CNTNAP2: variants seen among roughly 807,000 people sequenced by gnomAD.
The protein encoded by CNTNAP2 is contactin-associated protein-like 2.
In CNTNAP2, 98 loss-of-function variants were observed where a neutral mutation model predicts 155.2. That is an observed-to-expected ratio of 0.63 (90% CI 0.54 to 0.75). CNTNAP2 has a LOEUF of 0.75. Ranked by LOEUF, CNTNAP2 falls within the 30% of genes least tolerant of loss-of-function variation. The probability of loss-of-function intolerance (pLI) is 0.00; values close to 1 mark genes in which losing one functional copy is unlikely to be tolerated. For missense variants in CNTNAP2, 1,727 were observed against 1,688.1 expected (o/e 1.02, Z -0.40); for synonymous variants, 651 against 631.2 (o/e 1.03, Z -0.47).
At chr7:146,506,355 G>T (rs1338381697) in intron 1 of CNTNAP2, among the ~76,000 whole-genome samples, 1 of 152,222 alleles carries the variant, frequency 6.6e-6, no homozygotes. Context: ...TCCACGCTGG[G>T]CATTTCTGGC....
chr7:147,566,766 G>A (rs561517976), intron 12 of CNTNAP2, among the ~76,000 whole-genome samples: 4 of 152,180 alleles, frequency 2.6e-5, no homozygotes, highest in Admixed American at 6.5e-5. Flanking sequence ...GATGAGATTC[G>A]GACAGGGATT....
intron 1 of CNTNAP2, among the ~76,000 whole-genome samples, chr7:146,623,358 T>C (rs1322628818): frequency 6.6e-6 from 1 of 152,180 alleles, no homozygotes; most frequent in Non-Finnish European, 1.5e-5. Context: ...TTGCATAATA[T>C]ATATTCACCA....
intron 3 of CNTNAP2, among the ~76,000 whole-genome samples, chr7:147,034,635 T>G (rs2098114): frequency 0.5 from 75,980 of 151,936 alleles, 19,372 homozygotes; most frequent in South Asian, 0.62. Context: ...TCACATGTGG[T>G]CTTCAAGAAT....
chr7:147,658,421 T>G (rs1323747824), intron 13 of CNTNAP2, among the ~76,000 whole-genome samples: 1 of 152,138 alleles, frequency 6.6e-6, no homozygotes, highest in Non-Finnish European at 1.5e-5. Flanking sequence ...GCCATTAAAT[T>G]AACTTAAAAC....
At position 147,333,531 on chromosome 7, in the gene CNTNAP2, A is replaced by G. The variant is rs115078470; in HGVS notation, c.1498+33241A>G. On this transcript the variant is annotated intron_variant, in intron 9 of 23. Coordinates refer to ENST00000361727, the MANE Select transcript of CNTNAP2 (RefSeq NM_014141.6). The stretch of plus-strand genomic sequence containing the variant: ...CAACTTTCTATAATAAAAGAACCAA[A>G]CCACTATTGAAGATAGTAGTAAATT... Among the ~76,000 whole-genome samples the G allele has an allele frequency of 4.6e-3, 708 of 152,310 alleles. 12 individuals are homozygous for G. Among genetic ancestry groups the G allele is most frequent in the African/African-American group, 0.016 (669 of 41,564 alleles).
chr7:147,013,132 G>C (rs988482054), intron 3 of CNTNAP2, among the ~76,000 whole-genome samples: 2 of 152,104 alleles, frequency 1.3e-5, no homozygotes, highest in African/African-American at 4.8e-5. Context: ...ATGATAGCAA[G>C]TATGTTGTAG....
chr7:146,362,051 T>C (rs1221592740), intron 1 of CNTNAP2, among the ~76,000 whole-genome samples: 3 of 152,212 alleles, frequency 2.0e-5, no homozygotes, highest in Non-Finnish European at 4.4e-5. Context: ...GCCTCCTCTT[T>C]ATGCATGGTT....
intron 13 of CNTNAP2, among the ~76,000 whole-genome samples, chr7:147,896,723 G>C (rs1269335148): frequency 6.6e-6 from 1 of 152,274 alleles, no homozygotes; most frequent in East Asian, 1.9e-4. Flanking sequence ...TTTAGGGAGG[G>C]TCAGAATCTT....
chr7:147,509,601 A>G (rs893650980), intron 11 of CNTNAP2, among the ~76,000 whole-genome samples: 1 of 152,092 alleles, frequency 6.6e-6, no homozygotes, highest in Non-Finnish European at 1.5e-5. Flanking sequence ...ATTTTTTGGT[A>G]TCACTGAGAT....
At chr7:146,300,999 AC>A (rs1206568396) in intron 1 of CNTNAP2, among the ~76,000 whole-genome samples, 1 of 152,178 alleles carries the variant, frequency 6.6e-6, no homozygotes, top group Non-Finnish European at 1.5e-5. Context: ...ATTAGCTTTC[AC>A]CTGAATTTTA....
chr7:147,234,689 C>T (rs568890268), intron 8 of CNTNAP2, among the ~76,000 whole-genome samples: 1 of 152,240 alleles, frequency 6.6e-6, no homozygotes, highest in South Asian at 2.1e-4. Context: ...CATGTTGCAG[C>T]GAGTTTCATT....
intron 12 of CNTNAP2, among the ~76,000 whole-genome samples, chr7:147,601,643 AAATATAT>A (rs1259893375): frequency 1.1e-5 from 1 of 88,552 alleles, no homozygotes; most frequent in African/African-American, 5.3e-5. Context: ...TCTTAAAAAA[AAATATAT>A]ATATATATAT....
At chr7:147,372,610 A>G (rs2116917245) in intron 9 of CNTNAP2, among the ~76,000 whole-genome samples, 1 of 152,272 alleles carries the variant, frequency 6.6e-6, no homozygotes, top group Non-Finnish European at 1.5e-5. Flanking sequence ...TTTATACATT[A>G]TAACCATTAT....
intron 1 of CNTNAP2, among the ~76,000 whole-genome samples, chr7:146,724,589 T>TG (rs1801397731): frequency 7.8e-6 from 1 of 128,028 alleles, no homozygotes; most frequent in Admixed American, 7.7e-5. Context: ...TTTTTTTTTT[T>TG]GAGACAGAGT....
chr7:146,265,271 T>C (rs1334002948), intron 1 of CNTNAP2, among the ~76,000 whole-genome samples: 1 of 152,168 alleles, frequency 6.6e-6, no homozygotes, highest in Non-Finnish European at 1.5e-5. Flanking sequence ...ATTTACATTA[T>C]ACATTATATG....
chr7:147,029,754 TTTAGTA>T (rs1798993504), intron 3 of CNTNAP2, among the ~76,000 whole-genome samples: 2 of 152,188 alleles, frequency 1.3e-5, no homozygotes, highest in Admixed American at 6.5e-5. Flanking sequence ...AGACATTACA[TTTAGTA>T]TTAGAATTAT....
At chr7:146,697,020 T>C (rs966222586) in intron 1 of CNTNAP2, among the ~76,000 whole-genome samples, 25 of 152,144 alleles carry the variant, frequency 1.6e-4, no homozygotes, top group Admixed American at 1.3e-3. Context: ...AGTTAATTGT[T>C]GGTGCTGTTC....
intron 3 of CNTNAP2, among the ~76,000 whole-genome samples, chr7:146,998,950 A>T (rs941095387): frequency 2.0e-5 from 3 of 151,856 alleles, no homozygotes; most frequent in African/African-American, 7.2e-5. Context: ...TTTTAAATTC[A>T]TTCAGCTATT....
intron 15 of CNTNAP2, among the ~76,000 whole-genome samples, chr7:148,098,337 G>C (rs537050365): frequency 6.6e-6 from 1 of 151,394 alleles, no homozygotes; most frequent in African/African-American, 2.4e-5. Flanking sequence ...CCAGCTACTC[G>C]GGAGGCTGAG....
Sources: gnomAD v4.1 joint callset for allele counts (sites outside exome capture counted in the v4.1 genomes callset) on GRCh38, gnomAD v4.1.1 for gene constraint, MANE v1.5 for transcripts, NCBI Gene and HGNC (gene_info 2026-07-23, HGNC 2026-07-21) for gene names.